Variants in GRAMD4 observed in about 807,000 individuals in gnomAD.
The protein encoded by GRAMD4 is GRAM domain containing 4, also known as GRAM domain-containing protein 4.
A neutral mutation model predicts 83.9 loss-of-function variants in GRAMD4; 25 were observed. That is an observed-to-expected ratio of 0.30 (90% CI 0.22 to 0.42). The LOEUF (loss-of-function observed/expected upper bound fraction) is 0.42, where lower values mean the gene tolerates loss of function less well. Ranked by LOEUF, GRAMD4 falls within the 10% of genes least tolerant of loss-of-function variation. The probability of loss-of-function intolerance (pLI) is 1.00; values close to 1 mark genes in which losing one functional copy is unlikely to be tolerated. For synonymous variants in GRAMD4, 336 were observed against 320.9 expected (o/e 1.05, Z -0.50); for missense variants, 593 against 788.7 (o/e 0.75, Z 2.97).
chr22:46,592,879 A>G (rs1213788798), intron 1 of GRAMD4, among the ~76,000 whole-genome samples: 3 of 152,224 alleles, frequency 2.0e-5, no homozygotes, highest in African/African-American at 7.2e-5. Flanking sequence ...AAAAGAGCCT[A>G]TATGACCTAT....
chr22:46,656,461 C>T (rs539618549), intron 3 of GRAMD4, among the ~76,000 whole-genome samples: 4 of 152,354 alleles, frequency 2.6e-5, no homozygotes, highest in East Asian at 1.9e-4. Context: ...TGTTTCTGTA[C>T]GGCTACTCCT....
chr22:46,617,557 T>A (rs866607499), upstream of GRAMD4, among the ~76,000 whole-genome samples: 1 of 152,184 alleles, frequency 6.6e-6, no homozygotes, highest in African/African-American at 2.4e-5. Context: ...TCCTCTGTGT[T>A]GGGTCCTTAA....
At chr22:46,580,486 G>A (rs2147893348) in intron 1 of GRAMD4, among the ~76,000 whole-genome samples, 1 of 152,324 alleles carries the variant, frequency 6.6e-6, no homozygotes, top group Admixed American at 6.5e-5. Context: ...CTGAGAGGAG[G>A]CCTGGATCTC....
upstream of GRAMD4, among the ~76,000 whole-genome samples, chr22:46,616,610 C>T (rs1469622213): frequency 6.0e-5 from 8 of 134,010 alleles, no homozygotes; most frequent in Non-Finnish European, 1.1e-4. Flanking sequence ...GTGTAGGTTC[C>T]CCTGTGTGTG....
chr22:46,630,077 T>C (rs536363206), intron 2 of GRAMD4, among the ~76,000 whole-genome samples: 2 of 151,832 alleles, frequency 1.3e-5, no homozygotes, highest in South Asian at 4.2e-4. Context: ...CAGGCTGGAG[T>C]GCAGTGGTGT....
chr22:46,628,528 G>T (rs1279050156), intron 2 of GRAMD4, among the ~76,000 whole-genome samples: 4 of 89,990 alleles, frequency 4.4e-5, no homozygotes, highest in Non-Finnish European at 4.6e-5. Flanking sequence ...GTGTGTGCGT[G>T]GTGTCTGAGG....
At chr22:46,628,024 G>A (rs1220948489) in intron 2 of GRAMD4, among the ~76,000 whole-genome samples, 4 of 152,202 alleles carry the variant, frequency 2.6e-5, no homozygotes, top group South Asian at 2.1e-4. Flanking sequence ...GCCTGCCTTC[G>A]CCGGAGAGCT....
chr22:46,646,318 T>TC (rs902842337), intron 3 of GRAMD4, among the ~76,000 whole-genome samples: 29 of 152,250 alleles, frequency 1.9e-4, no homozygotes, highest in African/African-American at 5.8e-4. Context: ...TCCCAGAAGC[T>TC]CCCTTTCCTG....
intron 3 of GRAMD4, among the ~76,000 whole-genome samples, chr22:46,642,698 C>T (rs2081989493): frequency 6.6e-6 from 1 of 152,138 alleles, no homozygotes. Flanking sequence ...CAAGTCAGTA[C>T]AGAGTTGGGT....
intron 1 of GRAMD4, among the ~76,000 whole-genome samples, chr22:46,597,406 T>A (rs906896072): frequency 3.9e-5 from 6 of 152,248 alleles, no homozygotes; most frequent in African/African-American, 1.2e-4. Context: ...GGAACTTCTT[T>A]GGGTGGTAGT....
chr22:46,582,417 C>T (rs374606188), intron 1 of GRAMD4, among the ~76,000 whole-genome samples: 1 of 152,072 alleles, frequency 6.6e-6, no homozygotes, highest in Non-Finnish European at 1.5e-5. Context: ...CTCTGCTCCA[C>T]GTCCCCCCTC....
chr22:46,629,679 T>A (rs1296511102), intron 2 of GRAMD4, among the ~76,000 whole-genome samples: 1 of 152,234 alleles, frequency 6.6e-6, no homozygotes, highest in Admixed American at 6.5e-5. Flanking sequence ...CAGTATACAG[T>A]TCACCCACTA....
Position 46,679,229 on chromosome 22 carries a change from C to A in GRAMD4, c.*1978C>A. 1.0e-6 allele frequency: 1 copy of A among 985,544 alleles called. No homozygotes were observed. The highest frequency in any genetic ancestry group is 5.2e-4 in the Middle Eastern group (1 of 1,914). 61.0% of individuals were successfully genotyped at this position (985,544 alleles called of 1,614,324 possible). On this transcript the variant is annotated 3_prime_UTR_variant, in exon 19 of 19. Transcript: ENST00000406902. ...TCTTCCTAGGTGCTGGGATTCAGTC[C>A]CCAAACACAGCGGGAGGGGTCCCTG...
chr22:46,588,912 T>C (rs5768994), intron 1 of GRAMD4, among the ~76,000 whole-genome samples: 74,586 of 151,946 alleles, frequency 0.49, 20,361 homozygotes, highest in African/African-American at 0.75. Flanking sequence ...TGCCAGCGTC[T>C]CCCCACCCCC....
chr22:46,663,282 AG>A (rs2082357692), intron 6 of GRAMD4, 110 bp downstream of exon 6: 1 of 1,076,730 alleles, frequency 9.3e-7, no homozygotes, highest in African/African-American at 1.6e-5. Context: ...GCTGTCTGTG[AG>A]GCTGCCGAGA....
At chr22:46,643,615 C>G (rs543286013) in intron 3 of GRAMD4, among the ~76,000 whole-genome samples, 3 of 152,306 alleles carry the variant, frequency 2.0e-5, no homozygotes, top group African/African-American at 7.2e-5. Context: ...GGGATAGTTT[C>G]ATGCCTCTTT....
chr22:46,614,944 T>TGTGCATGTAGGTTCCCCC (rs2081459256), intron 1 of GRAMD4, among the ~76,000 whole-genome samples: 2 of 145,996 alleles, frequency 1.4e-5, no homozygotes, highest in African/African-American at 5.1e-5. Context: ...TAGGTTCCCC[T>TGTGCATGTAGGTTCCCCC]GTGCATGTAG....
chr22:46,595,916 G>C (rs568281200), intron 1 of GRAMD4, among the ~76,000 whole-genome samples: 1 of 152,238 alleles, frequency 6.6e-6, no homozygotes, highest in Admixed American at 6.5e-5. Flanking sequence ...AGGAGTGGGT[G>C]CACAGGAGGA....
chr22:46,668,942 G>A (rs2082456548), intron 13 of GRAMD4, 34 bp downstream of exon 13: 1 of 1,226,624 alleles, frequency 8.2e-7, no homozygotes, highest in South Asian at 1.2e-5. Flanking sequence ...GTAGCTTCAG[G>A]AGGAGGGACA....
Sources: allele counts gnomAD v4.1 joint callset (sites outside exome capture counted in the v4.1 genomes callset), GRCh38; gene constraint gnomAD v4.1.1; transcripts MANE v1.5; gene names NCBI Gene and HGNC (gene_info 2026-07-23, HGNC 2026-07-21).